Variants in ORC5 observed in about 807,000 individuals in gnomAD.
The protein encoded by ORC5 is origin recognition complex subunit 5.
Under a neutral mutation model 58.8 loss-of-function variants are expected in ORC5, and 39 were observed. The ratio of observed to expected loss-of-function variants is 0.66; its 90% CI spans 0.51 to 0.87. ORC5 has a LOEUF of 0.87. ORC5 is among the 40% of genes least tolerant of loss of function. The pLI is 0.00. For missense variants in ORC5, 493 were observed against 506.3 expected (o/e 0.97, Z 0.25); for synonymous variants, 218 against 177.6 (o/e 1.23, Z -1.81).
intron 8 of ORC5, among the ~76,000 whole-genome samples, chr7:104,176,840 G>A (rs528415284): frequency 1.9e-4 from 29 of 152,246 alleles, no homozygotes; most frequent in African/African-American, 6.3e-4. Context: ...TTTATGGGCC[G>A]GGCAGTTTTA....
intron 8 of ORC5, among the ~76,000 whole-genome samples, chr7:104,181,926 T>G (rs77894370): frequency 0.015 from 2,263 of 152,204 alleles, 60 homozygotes; most frequent in African/African-American, 0.051. Context: ...TTGGTTTGAC[T>G]TCCTAGACTC....
chr7:104,169,690 C>A (rs1023249800), intron 8 of ORC5, among the ~76,000 whole-genome samples: 9 of 151,986 alleles, frequency 5.9e-5, no homozygotes, highest in Non-Finnish European at 1.5e-5. Flanking sequence ...TGAGTGTGGG[C>A]CTTCTTTGAG....
chr7:104,205,069 GA>G (rs1341118803), intron 1 of ORC5, among the ~76,000 whole-genome samples: 1 of 132,220 alleles, frequency 7.6e-6, no homozygotes, highest in Non-Finnish European at 1.6e-5. Context: ...GGGAAAACTT[GA>G]TTTTTTAATA....
rs117543863 is a variant in ORC5 at position 104,199,025 on chromosome 7, C to T, written c.367-1226G>A. On this transcript the variant is annotated intron_variant, in intron 3 of 13. Transcript: ENST00000297431. ...CAGGTGCACAGCAATCAAGAATTAACGTTTGGGAACCTCTGCCTAGATTTC... is the reference window on the plus strand; with the variant it reads ...CAGGTGCACAGCAATCAAGAATTAATGTTTGGGAACCTCTGCCTAGATTTC... Among the ~76,000 whole-genome samples the T allele has an allele frequency of 6.8e-3, 1,030 of 152,340 alleles. 45 individuals carry two copies. The East Asian group carries it at 0.099, about 15-fold the overall frequency.
intron 11 of ORC5, among the ~76,000 whole-genome samples, chr7:104,161,824 T>A (rs141456783): frequency 6.6e-6 from 1 of 152,212 alleles, no homozygotes; most frequent in Non-Finnish European, 1.5e-5. Flanking sequence ...AGGTGTTAAG[T>A]AATTTTGCCA....
intron 6 of ORC5, among the ~76,000 whole-genome samples, chr7:104,185,155 T>C (rs954851378): frequency 2.9e-5 from 4 of 139,536 alleles, no homozygotes; most frequent in South Asian, 2.1e-4. Flanking sequence ...GAGGGGTTGA[T>C]AGATGCAGCA....
intron 8 of ORC5, among the ~76,000 whole-genome samples, chr7:104,171,318 A>T (rs561832406): frequency 6.6e-6 from 1 of 152,166 alleles, no homozygotes; most frequent in Admixed American, 6.5e-5. Context: ...GTTGTCTTTT[A>T]TTCATTTTGA....
chr7:104,182,963 C>T (rs1053539542), intron 8 of ORC5, among the ~76,000 whole-genome samples: 1 of 151,888 alleles, frequency 6.6e-6, no homozygotes, highest in Non-Finnish European at 1.5e-5. Context: ...GTTGAAACCC[C>T]GTCTCTACTA....
At chr7:104,132,560 C>A (rs1391834501) in intron 13 of ORC5, among the ~76,000 whole-genome samples, 1 of 152,008 alleles carries the variant, frequency 6.6e-6, no homozygotes, top group Non-Finnish European at 1.5e-5. Flanking sequence ...TCTTGCTGTC[C>A]CCAAAAACAA....
In ORC5 at chr7:104,154,861, A is replaced by T. The variant is rs1333733442; in HGVS notation, c.1149+6211T>A. 4.7e-4 allele frequency among the ~76,000 whole-genome samples: 72 copies of T among 151,866 alleles called. 1 individual carries two copies. Among genetic ancestry groups the T allele is most frequent in the Admixed American group, 4.7e-3 (72 of 15,240 alleles). Reference sequence around the variant, plus strand: ...ACCTGTATTTGAAGAAATATGCCAAAATCTATTTTTGGTGTAATAAAACGT... The same window carrying T: ...ACCTGTATTTGAAGAAATATGCCAATATCTATTTTTGGTGTAATAAAACGT... On this transcript the variant is annotated intron_variant, in intron 12 of 13. Transcript: ENST00000297431.
At chr7:104,182,640 GAGACCCATATATACC>G (rs1181757137) in intron 8 of ORC5, among the ~76,000 whole-genome samples, 1 of 151,954 alleles carries the variant, frequency 6.6e-6, no homozygotes, top group Non-Finnish European at 1.5e-5. Flanking sequence ...TGGAAAAGGT[GAGACCCATATATACC>G]AAATAAGAAA....
Position 104,161,174 on chromosome 7 carries a change from ATTGC to A in ORC5, c.1043_1046del (p.Ser348IlefsTer11). 1 of 1,578,006 alleles carries A rather than the reference ATTGC, an allele frequency of 6.3e-7. No individual in the cohort carries two copies. Among genetic ancestry groups the A allele is most frequent in the Non-Finnish European group, 8.7e-7 (1 of 1,148,360 alleles). ...GAAATGGTTTTGGCCCAAGGAGATGATTGCTTGTCTGTAAAAAACAAAACAAAAA... is the reference window on the plus strand; with the variant it reads ...GAAATGGTTTTGGCCCAAGGAGATGATTGTCTGTAAAAAACAAAACAAAAA... On this transcript the variant is annotated frameshift_variant, in exon 12 of 14. Transcript: ENST00000297431. LOFTEE classifies it high-confidence loss of function.
intron 9 of ORC5, among the ~76,000 whole-genome samples, chr7:104,167,354 T>C (rs1273156818): frequency 2.0e-5 from 3 of 152,192 alleles, no homozygotes; most frequent in African/African-American, 7.2e-5. Flanking sequence ...ATATGCCAGT[T>C]GAACATCCCT....
intron 1 of ORC5, 147 bp downstream of exon 1, chr7:104,207,686 T>C (rs1800126530): frequency 6.0e-6 from 4 of 670,052 alleles, no homozygotes; most frequent in Non-Finnish European, 1.1e-5. Flanking sequence ...TGGGTGAAGC[T>C]GCAGTACAGA....
At chr7:104,186,779 C>T (rs936944998) in intron 6 of ORC5, among the ~76,000 whole-genome samples, 4 of 151,990 alleles carry the variant, frequency 2.6e-5, no homozygotes, top group African/African-American at 9.7e-5. Flanking sequence ...AAACTAAGAA[C>T]ATTGTGCTAT....
chr7:104,131,270 T>C (rs1562800993), intron 13 of ORC5, among the ~76,000 whole-genome samples: 1 of 152,164 alleles, frequency 6.6e-6, no homozygotes, highest in Non-Finnish European at 1.5e-5. Context: ...CTCCCTCAAC[T>C]TTTTGCCACC....
chr7:104,171,489 T>G (rs1479600885), intron 8 of ORC5, among the ~76,000 whole-genome samples: 1 of 152,180 alleles, frequency 6.6e-6, no homozygotes, highest in Non-Finnish European at 1.5e-5. Context: ...AAAGGAGGGA[T>G]TAGCTTCTGA....
chr7:104,190,434 T>G (rs7794585), intron 5 of ORC5, among the ~76,000 whole-genome samples: 4,328 of 152,228 alleles, frequency 0.028, 186 homozygotes, highest in African/African-American at 0.099. Context: ...TATTCCCCCT[T>G]GTATAAAACG....
chr7:104,195,423 G>A (rs765314778), intron 4 of ORC5, among the ~76,000 whole-genome samples, 169 bp from the exon 5 acceptor site: 5 of 152,046 alleles, frequency 3.3e-5, no homozygotes, highest in Admixed American at 1.3e-4. Flanking sequence ...GAGCTCATTC[G>A]TTTGCAAACT....
Sources: allele counts gnomAD v4.1 joint callset (sites outside exome capture counted in the v4.1 genomes callset), GRCh38; gene constraint gnomAD v4.1.1; transcripts MANE v1.5; gene names NCBI Gene and HGNC (gene_info 2026-07-23, HGNC 2026-07-21).